The following NAA16 variants were observed in gnomAD, a reference collection of about 807,000 sequenced individuals.
NAA16 encodes NARG1-like protein.
NAA16 carries 97 observed loss-of-function variants against 110.3 expected under a neutral mutation model. The ratio of observed to expected loss-of-function variants is 0.88; its 90% CI spans 0.75 to 1.04. The LOEUF is 1.04. Ranked by LOEUF, NAA16 falls within the 50% of genes least tolerant of loss-of-function variation. NAA16 has a pLI of 0.00. For missense variants in NAA16, 1,017 were observed against 1,005.1 expected, an observed-to-expected ratio of 1.01 and a Z score of -0.16; for synonymous variants, 372 against 330.6, an observed-to-expected ratio of 1.13 and a Z score of -1.36.
At chr13:41,333,993 C>T (rs2042310726) in intron 8 of NAA16, among the ~76,000 whole-genome samples, 1 of 151,978 alleles carries the variant, frequency 6.6e-6, no homozygotes, top group Admixed American at 6.6e-5. Flanking sequence ...AGGTCATCAT[C>T]GCTTTGAGGT....
chr13:41,333,156 G>A (rs1388459674), intron 8 of NAA16, among the ~76,000 whole-genome samples: 1 of 152,140 alleles, frequency 6.6e-6, no homozygotes, highest in Non-Finnish European at 1.5e-5. Flanking sequence ...AAAGATGGGA[G>A]TATATGCGTA....
rs1348926104 is a variant in NAA16 at position 41,376,932 on chromosome 13, C to G, written c.*1330C>G. The G allele has an allele frequency of 3.3e-5, 5 of 152,020 alleles. No homozygotes were observed. Among genetic ancestry groups the G allele is most frequent in the Admixed American group, 3.3e-4 (5 of 15,264 alleles). 9.4% of individuals were successfully genotyped at this position (152,020 alleles called of 1,614,324 possible). ...ATTTAGACACACATTTTCTTTTCACCCTAATCTATTTAGATTCATACTTAT... is the reference window on the plus strand; with the variant it reads ...ATTTAGACACACATTTTCTTTTCACGCTAATCTATTTAGATTCATACTTAT... On this transcript the variant is annotated 3_prime_UTR_variant, in exon 20 of 20. Transcript: ENST00000379406.
intron 6 of NAA16, among the ~76,000 whole-genome samples, chr13:41,327,057 A>G (rs930266473): frequency 6.6e-6 from 1 of 152,132 alleles, no homozygotes; most frequent in Non-Finnish European, 1.5e-5. Flanking sequence ...ATTTTTGCCA[A>G]ATCATCTCTT....
intron 13 of NAA16, chr13:41,362,620 G>T: frequency 1.0e-6 from 1 of 971,724 alleles, no homozygotes; most frequent in South Asian, 1.4e-5. Context: ...CAGTTTGCAG[G>T]CTTATTTTAT....
intron 9 of NAA16, among the ~76,000 whole-genome samples, chr13:41,342,224 G>T (rs1311813247): frequency 3.4e-5 from 5 of 146,848 alleles, no homozygotes; most frequent in African/African-American, 1.3e-4. Flanking sequence ...TGCAACTTCC[G>T]CCTCCCAGGT....
chr13:41,373,945 G>T, intron 18 of NAA16, 165 bp downstream of exon 18: 1 of 1,104,084 alleles, frequency 9.1e-7, no homozygotes, highest in Non-Finnish European at 1.2e-6. Context: ...AAACAGGGAT[G>T]GATTCACAGG....
In NAA16 at chr13:41,355,222, T is replaced by A; in HGVS notation, c.1087+6T>A. Reference sequence around the variant, plus strand: ...TGACTTTTTTAGCCCATATGGTAAGTTTAAATTAGATTGAATTGGAATTTG... The same window carrying A: ...TGACTTTTTTAGCCCATATGGTAAGATTAAATTAGATTGAATTGGAATTTG... On this transcript the variant is annotated splice_donor_region_variant and intron_variant, in intron 10 of 19. Coordinates refer to ENST00000379406, the MANE Select transcript of NAA16 (RefSeq NM_024561.5). 2 of 1,516,108 alleles carry A rather than the reference T, an allele frequency of 1.3e-6. No individual in the cohort carries two copies. Among genetic ancestry groups the A allele is most frequent in the Non-Finnish European group, 1.8e-6 (2 of 1,110,582 alleles). The allele number at this position is 1,516,108 out of a possible 1,614,324, so 93.9% of individuals were successfully genotyped here. A position where few individuals can be genotyped will look rare whatever the true frequency, so the allele number is the denominator to read the frequency against.
chr13:41,333,421 C>T (rs1464964756), intron 8 of NAA16, among the ~76,000 whole-genome samples: 1 of 152,108 alleles, frequency 6.6e-6, no homozygotes, highest in South Asian at 2.1e-4. Context: ...CTATTTCACT[C>T]CCTGTCACCC....
In NAA16 at chr13:41,312,031, C is replaced by T. The variant is rs147043486; in HGVS notation, c.54+449C>T. Among the ~76,000 whole-genome samples the T allele has an allele frequency of 7.1e-3, 1,083 of 152,308 alleles. 17 individuals are homozygous for T. Among genetic ancestry groups the T allele is most frequent in the African/African-American group, 0.025 (1,025 of 41,564 alleles). On this transcript the variant is annotated intron_variant, in intron 1 of 19. Coordinates refer to ENST00000379406, the MANE Select transcript of NAA16 (RefSeq NM_024561.5). ...CGTTTAGTTAGATTGCACAGCACAC[C>T]CGCATACCTATTAAAGCGGGATCGA...
chr13:41,321,921 T>C (rs949275622), intron 4 of NAA16, among the ~76,000 whole-genome samples: 4 of 152,218 alleles, frequency 2.6e-5, no homozygotes, highest in Admixed American at 6.5e-5. Context: ...TCTGCTGAAC[T>C]TACTATAATA....
At chr13:41,365,326 T>G (rs1365833921) in intron 13 of NAA16, among the ~76,000 whole-genome samples, 1 of 152,190 alleles carries the variant, frequency 6.6e-6, no homozygotes, top group Non-Finnish European at 1.5e-5. Context: ...TGTACCAATG[T>G]CAGTTTCTTG....
Position 41,375,684 on chromosome 13 carries a change from G to C in NAA16, c.*82G>C. On this transcript the variant is annotated 3_prime_UTR_variant, in exon 20 of 20. Coordinates refer to ENST00000379406, the MANE Select transcript of NAA16 (RefSeq NM_024561.5). Reference sequence around the variant, plus strand: ...TTTTCCAGGGTGCATTTTAATATACGTATGAAATGAAATATTTGGTTAGGA... The same window carrying C: ...TTTTCCAGGGTGCATTTTAATATACCTATGAAATGAAATATTTGGTTAGGA... The C allele has an allele frequency of 9.9e-7, 1 of 1,014,842 alleles. No homozygotes were observed. The highest frequency in any genetic ancestry group is 1.4e-6 in the Non-Finnish European group (1 of 699,042). 62.9% of individuals were successfully genotyped at this position (1,014,842 alleles called of 1,614,324 possible).
In NAA16 at chr13:41,311,601, C is replaced by A; in HGVS notation, c.54+19C>A. On this transcript the variant is annotated intron_variant, in intron 1 of 19. Transcript: ENST00000379406. Reference sequence around the variant, plus strand: ...CATCTTGGTGAGTGGCCGTAGGCCGCGCTGCCGCCCCCCGGTCCCCGGGTC... The same window carrying A: ...CATCTTGGTGAGTGGCCGTAGGCCGAGCTGCCGCCCCCCGGTCCCCGGGTC... 1 of 1,599,604 alleles carries A rather than the reference C, an allele frequency of 6.3e-7. No homozygotes were observed. The highest frequency in any genetic ancestry group is 8.5e-7 in the Non-Finnish European group (1 of 1,173,730).
chr13:41,362,605 A>G (rs1593518454), intron 13 of NAA16: 2 of 756,058 alleles, frequency 2.6e-6, no homozygotes, highest in East Asian at 1.3e-4. Context: ...ATAACAATCT[A>G]TGGCCAGTTT....
intron 12 of NAA16, among the ~76,000 whole-genome samples, chr13:41,359,941 A>G (rs1188952152): frequency 6.6e-6 from 1 of 152,158 alleles, no homozygotes; most frequent in Non-Finnish European, 1.5e-5. Context: ...TCTTGACACC[A>G]AAAGCATAAA....
chr13:41,373,235 A>G, intron 17 of NAA16: 2 of 812,602 alleles, frequency 2.5e-6, no homozygotes, highest in Non-Finnish European at 3.0e-6. Context: ...AAGTTTAATA[A>G]TAAAGGTTTT....
At chr13:41,323,233 G>A in intron 5 of NAA16, 43 bp downstream of exon 5, 1 of 1,588,836 alleles carries the variant, frequency 6.3e-7, no homozygotes. Context: ...AAATGGAGTA[G>A]TTGACTTCTA....
At chr13:41,359,360 T>C (rs1041409932) in intron 12 of NAA16, among the ~76,000 whole-genome samples, 3 of 152,238 alleles carry the variant, frequency 2.0e-5, no homozygotes, top group African/African-American at 7.2e-5. Flanking sequence ...AACTAATTGC[T>C]CTGAACTAGT....
At chr13:41,311,972 G>A (rs2041607348) in intron 1 of NAA16, among the ~76,000 whole-genome samples, 1 of 152,228 alleles carries the variant, frequency 6.6e-6, no homozygotes, top group Non-Finnish European at 1.5e-5. Context: ...TCTCTCCTCG[G>A]CTAGGTGTTT....
Sources: gnomAD v4.1 joint callset for allele counts (sites outside exome capture counted in the v4.1 genomes callset) on GRCh38, gnomAD v4.1.1 for gene constraint, MANE v1.5 for transcripts, NCBI Gene and HGNC (gene_info 2026-07-23, HGNC 2026-07-21) for gene names.